The following ZNF423 variants were observed in gnomAD, a reference collection of about 807,000 sequenced individuals.
ZNF423 encodes Ebf-associated zinc finger protein.
A neutral mutation model predicts 95.8 loss-of-function variants in ZNF423; 12 were observed. The observed-to-expected ratio is 0.13, with a 90% CI of 0.08 to 0.20. The LOEUF (loss-of-function observed/expected upper bound fraction) is 0.20. Ranked by LOEUF, ZNF423 falls within the 10% of genes least tolerant of loss-of-function variation. The probability of loss-of-function intolerance (pLI) is 1.00; values close to 1 mark genes in which losing one functional copy is unlikely to be tolerated. For synonymous variants in ZNF423, 749 were observed against 711.9 expected (o/e 1.05, Z -0.83); for missense variants, 1,316 against 1,737.1 (o/e 0.76, Z 4.31).
chr16:49,780,984 G>A (rs989875546), intron 2 of ZNF423, among the ~76,000 whole-genome samples: 3 of 152,236 alleles, frequency 2.0e-5, no homozygotes, highest in African/African-American at 7.2e-5. Context: ...GGAAGCCAAA[G>A]GGCGCCCAGG....
intron 1 of ZNF423, among the ~76,000 whole-genome samples, chr16:49,844,786 C>T (rs932166310): frequency 3.9e-5 from 6 of 152,038 alleles, no homozygotes; most frequent in Admixed American, 3.9e-4. Context: ...GCCTGTAATC[C>T]CAGCACTCTG....
intron 3 of ZNF423, among the ~76,000 whole-genome samples, chr16:49,718,239 G>C (rs1394805874): frequency 6.6e-6 from 1 of 152,094 alleles, no homozygotes. Context: ...GGCCAACATG[G>C]TAAAACCCCT....
intron 3 of ZNF423, among the ~76,000 whole-genome samples, chr16:49,655,833 C>A (rs1017916516): frequency 1.3e-5 from 2 of 152,188 alleles, no homozygotes; most frequent in African/African-American, 2.4e-5. Flanking sequence ...CGCCCCTGAA[C>A]CCACACCACT....
At chr16:49,829,514 G>A (rs906017375) in intron 1 of ZNF423, among the ~76,000 whole-genome samples, 1 of 152,198 alleles carries the variant, frequency 6.6e-6, no homozygotes, top group Non-Finnish European at 1.5e-5. Flanking sequence ...AACCTGTGCA[G>A]AAAGGGTCAG....
intron 5 of ZNF423, among the ~76,000 whole-genome samples, chr16:49,616,292 T>TA (rs1473655426): frequency 1.3e-5 from 2 of 152,120 alleles, no homozygotes; most frequent in Non-Finnish European, 2.9e-5. Context: ...CTCATGGAGA[T>TA]AGAGTGCAGA....
intron 3 of ZNF423, among the ~76,000 whole-genome samples, chr16:49,725,933 C>T (rs1005808754): frequency 3.9e-5 from 6 of 152,206 alleles, no homozygotes; most frequent in Admixed American, 2.0e-4. Flanking sequence ...GACACCAATG[C>T]TGAGCTCCAA....
chr16:49,686,002 G>A (rs2216060), intron 3 of ZNF423, among the ~76,000 whole-genome samples: 21,105 of 152,114 alleles, frequency 0.14, 1,950 homozygotes, highest in South Asian at 0.31. Flanking sequence ...TTTCGCCCTC[G>A]TTTCCAGTGT....
intron 5 of ZNF423, among the ~76,000 whole-genome samples, chr16:49,620,164 A>ACAC (rs1567507945): frequency 2.1e-5 from 3 of 142,758 alleles, no homozygotes; most frequent in African/African-American, 5.3e-5. Context: ...CACACACACC[A>ACAC]CACACACACA....
intron 2 of ZNF423, among the ~76,000 whole-genome samples, chr16:49,756,432 G>A (rs188768507): frequency 7.4e-4 from 112 of 152,288 alleles, no homozygotes; most frequent in African/African-American, 2.5e-3. Context: ...AACATCAAGC[G>A]CTTGGAAAAC....
At chr16:49,782,361 C>A (rs1262094895) in intron 2 of ZNF423, among the ~76,000 whole-genome samples, 2 of 152,342 alleles carry the variant, frequency 1.3e-5, no homozygotes, top group Admixed American at 6.5e-5. Flanking sequence ...TCGGTTTTCT[C>A]ACATGTATGT....
chr16:49,578,695 C>T (rs1970574648), intron 5 of ZNF423, among the ~76,000 whole-genome samples: 1 of 152,244 alleles, frequency 6.6e-6, no homozygotes, highest in Non-Finnish European at 1.5e-5. Flanking sequence ...CCACAGTAGG[C>T]AGCCTGGAAG....
chr16:49,617,119 G>C (rs914675923), intron 5 of ZNF423, among the ~76,000 whole-genome samples: 1 of 152,172 alleles, frequency 6.6e-6, no homozygotes, highest in Admixed American at 6.5e-5. Flanking sequence ...AGGAAGGGCA[G>C]GGGTCACCAG....
chr16:49,705,328 C>T (rs2032314990), intron 3 of ZNF423, among the ~76,000 whole-genome samples: 1 of 152,070 alleles, frequency 6.6e-6, no homozygotes, highest in Admixed American at 6.5e-5. Context: ...CACAACCTCA[C>T]AATGGAACAG....
intron 3 of ZNF423, among the ~76,000 whole-genome samples, chr16:49,648,669 GA>G (rs71380367): frequency 0.21 from 31,529 of 148,010 alleles, 4,974 homozygotes; most frequent in African/African-American, 0.44. Flanking sequence ...AAAGAAAAAA[GA>G]AAAAAAAAAC....
At chr16:49,577,344 C>T (rs554921172) in intron 5 of ZNF423, among the ~76,000 whole-genome samples, 1 of 152,214 alleles carries the variant, frequency 6.6e-6, no homozygotes, top group Non-Finnish European at 1.5e-5. Flanking sequence ...GGAGAGGGTA[C>T]CGTTATCATC....
At chr16:49,706,156 C>T (rs2032342903) in intron 3 of ZNF423, among the ~76,000 whole-genome samples, 1 of 152,114 alleles carries the variant, frequency 6.6e-6, no homozygotes, top group South Asian at 2.1e-4. Flanking sequence ...CCACAAATGG[C>T]CACCCTAGGA....
At chr16:49,619,261 C>G (rs1233709929) in intron 5 of ZNF423, among the ~76,000 whole-genome samples, 1 of 151,890 alleles carries the variant, frequency 6.6e-6, no homozygotes, top group Non-Finnish European at 1.5e-5. Context: ...GTTAGCGGCC[C>G]CTCACAGAGC....
intron 1 of ZNF423, among the ~76,000 whole-genome samples, chr16:49,818,274 C>A (rs556970183): frequency 1.3e-5 from 2 of 152,146 alleles, no homozygotes; most frequent in African/African-American, 4.8e-5. Context: ...GATGCCCGGG[C>A]GCCCACAGAG....
At chr16:49,789,696 C>T in intron 1 of ZNF423, 150 bp from the exon 2 acceptor site, 1 of 656,808 alleles carries the variant, frequency 1.5e-6, no homozygotes, top group Non-Finnish European at 2.4e-6. Context: ...ACAAAGAGGC[C>T]TTTATTGGTT....
Sources: gnomAD v4.1 joint callset for allele counts (sites outside exome capture counted in the v4.1 genomes callset) on GRCh38, gnomAD v4.1.1 for gene constraint, MANE v1.5 for transcripts, NCBI Gene and HGNC (gene_info 2026-07-23, HGNC 2026-07-21) for gene names.